Variants in KIF6 observed in about 807,000 individuals in gnomAD.
KIF6 encodes kinesin-like protein KIF6.
Under a neutral mutation model 112.7 loss-of-function variants are expected in KIF6, and 106 were observed. The ratio of observed to expected loss-of-function variants is 0.94; its 90% CI spans 0.80 to 1.11. The LOEUF (loss-of-function observed/expected upper bound fraction) is 1.11. Ranked by LOEUF, KIF6 falls within the 50% of genes least tolerant of loss-of-function variation. KIF6 has a pLI of 0.00. For synonymous variants in KIF6, 339 were observed against 339.9 expected (o/e 1.00, Z 0.03); for missense variants, 929 against 964.0 (o/e 0.96, Z 0.48).
chr6:39,723,146 A>T (rs1476843054), intron 1 of KIF6, among the ~76,000 whole-genome samples: 4 of 152,232 alleles, frequency 2.6e-5, no homozygotes, highest in Admixed American at 2.6e-4. Context: ...AAAGAAATGC[A>T]TGTAAGTGAT....
At chr6:39,376,116 G>T (rs770576589) in intron 16 of KIF6, among the ~76,000 whole-genome samples, 4 of 152,214 alleles carry the variant, frequency 2.6e-5, no homozygotes, top group Admixed American at 1.3e-4. Context: ...GAATTAAGTG[G>T]TGAGACACAC....
At position 39,575,396 on chromosome 6, in the gene KIF6, G is replaced by A. The variant is rs548247069; in HGVS notation, c.1181+2660C>T. Among the ~76,000 whole-genome samples the A allele has an allele frequency of 2.4e-4, 36 of 151,372 alleles. No homozygotes were observed. The East Asian group carries it at 3.7e-3, about 16-fold the overall frequency. ...CGCCATTCTCCTGTCTCAGCCTCCC[G>A]AGTAGCTGGGACTACAGGCGCCCGC... On this transcript the variant is annotated intron_variant, in intron 10 of 22. Transcript: ENST00000287152.
intron 9 of KIF6, among the ~76,000 whole-genome samples, chr6:39,579,995 G>A (rs922353994): frequency 6.6e-6 from 1 of 151,004 alleles, no homozygotes; most frequent in Admixed American, 6.6e-5. Context: ...TTGGCCATTT[G>A]CTCTTCCATG....
intron 3 of KIF6, among the ~76,000 whole-genome samples, chr6:39,709,502 A>G (rs1789411055): frequency 6.6e-6 from 1 of 152,168 alleles, no homozygotes; most frequent in Non-Finnish European, 1.5e-5. Flanking sequence ...CTCACCTCCT[A>G]CTGTGTGGCC....
chr6:39,460,300 C>T (rs1485918392), intron 13 of KIF6, among the ~76,000 whole-genome samples: 1 of 117,544 alleles, frequency 8.5e-6, no homozygotes, highest in Non-Finnish European at 1.7e-5. Flanking sequence ...CGCATATTCT[C>T]ACTCATAGGT....
chr6:39,517,828 A>G (rs6927837), intron 13 of KIF6, among the ~76,000 whole-genome samples: 34,662 of 152,168 alleles, frequency 0.23, 4,767 homozygotes, highest in African/African-American at 0.37. Context: ...AGAGAACAAC[A>G]GACTGCCAAA....
At chr6:39,589,095 C>T (rs1013629743) in intron 7 of KIF6, among the ~76,000 whole-genome samples, 1 of 152,214 alleles carries the variant, frequency 6.6e-6, no homozygotes, top group Admixed American at 6.5e-5. Flanking sequence ...CCTGTACTGG[C>T]CTTCTGACTG....
intron 22 of KIF6, among the ~76,000 whole-genome samples, chr6:39,341,983 T>A (rs988791957): frequency 1.3e-5 from 2 of 152,208 alleles, no homozygotes; most frequent in Non-Finnish European, 2.9e-5. Context: ...ATGGTTAAAA[T>A]TATTCAGTGG....
Position 39,338,254 on chromosome 6 carries a change from C to T in KIF6, c.2429-1706G>A, listed in dbSNP as rs374759027. Reference sequence around the variant, plus strand: ...GCAGGCAGCTGCAGCCCTCCAGGTTCGGCCACAGGAACCTGGTACTGGGTG... The same window carrying T: ...GCAGGCAGCTGCAGCCCTCCAGGTTTGGCCACAGGAACCTGGTACTGGGTG... On this transcript the variant is annotated intron_variant, in intron 22 of 22. Transcript: ENST00000287152. 1.7e-4 allele frequency among the ~76,000 whole-genome samples: 26 copies of T among 152,312 alleles called. No homozygotes were observed. The East Asian group carries it at 4.2e-3, about 25-fold the overall frequency.
chr6:39,437,033 TG>T (rs1374335000), intron 13 of KIF6, among the ~76,000 whole-genome samples: 1 of 72,172 alleles, frequency 1.4e-5, no homozygotes, highest in African/African-American at 1.3e-4. Context: ...GTGTCATCTA[TG>T]TTTTTTTTCA....
chr6:39,479,366 C>T (rs1043198839), intron 13 of KIF6, among the ~76,000 whole-genome samples: 1 of 152,046 alleles, frequency 6.6e-6, no homozygotes, highest in Non-Finnish European at 1.5e-5. Context: ...GTGTCCTTTC[C>T]CCACTTCATG....
chr6:39,488,938 C>T (rs1467454723), intron 13 of KIF6, among the ~76,000 whole-genome samples: 2 of 152,148 alleles, frequency 1.3e-5, no homozygotes, highest in Non-Finnish European at 2.9e-5. Context: ...AGTTGATTCC[C>T]AAACCTTTAT....
chr6:39,628,361 C>G (rs1477846365), intron 5 of KIF6, among the ~76,000 whole-genome samples: 3 of 151,750 alleles, frequency 2.0e-5, no homozygotes, highest in Admixed American at 2.0e-4. Context: ...ATGCAATTTC[C>G]CCAATTTTGC....
At chr6:39,451,889 A>G (rs1772722752) in intron 13 of KIF6, among the ~76,000 whole-genome samples, 2 of 152,212 alleles carry the variant, frequency 1.3e-5, no homozygotes, top group Non-Finnish European at 2.9e-5. Context: ...ATCTGTCCAG[A>G]AGAGCTTACT....
chr6:39,346,087 C>CTCT (rs1562112885), intron 20 of KIF6, among the ~76,000 whole-genome samples: 5 of 2,820 alleles, frequency 1.8e-3, no homozygotes, highest in East Asian at 0.026. Flanking sequence ...TCTCTCTCTC[C>CTCT]CCCCCCTCTC....
intron 1 of KIF6, among the ~76,000 whole-genome samples, chr6:39,724,052 G>A (rs889453782): frequency 6.6e-6 from 1 of 152,188 alleles, no homozygotes; most frequent in Non-Finnish European, 1.5e-5. Context: ...GTGAGAATGA[G>A]AGATAATGCA....
At chr6:39,433,804 G>A (rs1771327019) in intron 13 of KIF6, among the ~76,000 whole-genome samples, 1 of 152,186 alleles carries the variant, frequency 6.6e-6, no homozygotes. Context: ...GGAGGCACAT[G>A]GGAAGGACTC....
At chr6:39,707,632 C>CTTAG (rs1789293281) in intron 3 of KIF6, among the ~76,000 whole-genome samples, 1 of 152,174 alleles carries the variant, frequency 6.6e-6, no homozygotes, top group South Asian at 2.1e-4. Context: ...TTTAGCTGTA[C>CTTAG]TTAGTAAGGG....
At chr6:39,348,634 C>A (rs1763981031) in intron 19 of KIF6, among the ~76,000 whole-genome samples, 1 of 152,170 alleles carries the variant, frequency 6.6e-6, no homozygotes, top group Non-Finnish European at 1.5e-5. Context: ...TACCAGCCAT[C>A]AGAATGAAGT....
Sources: gnomAD v4.1 joint callset for allele counts (sites outside exome capture counted in the v4.1 genomes callset) on GRCh38, gnomAD v4.1.1 for gene constraint, MANE v1.5 for transcripts, NCBI Gene and HGNC (gene_info 2026-07-23, HGNC 2026-07-21) for gene names.